The following NTRK3 variants were observed in gnomAD, a reference collection of about 807,000 sequenced individuals.
The protein encoded by NTRK3 is neurotrophic receptor tyrosine kinase 3, also known as NT-3 growth factor receptor.
Under a neutral mutation model 91.7 loss-of-function variants are expected in NTRK3, and 24 were observed. The observed-to-expected ratio is 0.26, with a 90% CI of 0.19 to 0.37. The LOEUF is 0.37. Ranked by LOEUF, NTRK3 falls within the 10% of genes least tolerant of loss-of-function variation. The pLI, the probability that NTRK3 is intolerant of heterozygous loss-of-function variation, is 1.00. For synonymous variants in NTRK3, 483 were observed against 404.0 expected, an observed-to-expected ratio of 1.20 and a Z score of -2.34; for missense variants, 880 against 1,068.9, an observed-to-expected ratio of 0.82 and a Z score of 2.46.
intron 14 of NTRK3, among the ~76,000 whole-genome samples, chr15:87,944,229 G>A (rs975485595): frequency 3.3e-5 from 5 of 152,206 alleles, no homozygotes; most frequent in African/African-American, 1.2e-4. Flanking sequence ...GGGAGCTTTG[G>A]CAGAGACTGG....
intron 13 of NTRK3, among the ~76,000 whole-genome samples, chr15:88,084,333 C>G (rs2048316207): frequency 6.6e-6 from 1 of 152,138 alleles, no homozygotes; most frequent in East Asian, 1.9e-4. Context: ...GAGAAAGAAG[C>G]AGGGTTAGGC....
chr15:88,129,875 G>A (rs1247999144), intron 10 of NTRK3, among the ~76,000 whole-genome samples: 1 of 152,206 alleles, frequency 6.6e-6, no homozygotes, highest in African/African-American at 2.4e-5. Flanking sequence ...TGACTATCTG[G>A]AGAAAAGGTC....
chr15:87,895,634 CT>C (rs2066073735), intron 17 of NTRK3, among the ~76,000 whole-genome samples: 3 of 152,284 alleles, frequency 2.0e-5, no homozygotes, highest in Admixed American at 2.0e-4. Flanking sequence ...TCCTTCCTCT[CT>C]TTCCAGATCT....
intron 6 of NTRK3, among the ~76,000 whole-genome samples, chr15:88,142,287 A>G (rs544405632): frequency 6.6e-6 from 1 of 152,348 alleles, no homozygotes; most frequent in African/African-American, 2.4e-5. Context: ...CTTCATGAAT[A>G]ATGCAGGCAG....
intron 13 of NTRK3, among the ~76,000 whole-genome samples, chr15:88,120,560 C>T (rs2052594608): frequency 6.6e-6 from 1 of 152,112 alleles, no homozygotes; most frequent in Admixed American, 6.5e-5. Context: ...GCTGTCCTGC[C>T]ACGCGTGCAG....
intron 5 of NTRK3, among the ~76,000 whole-genome samples, chr15:88,178,964 C>T (rs746393452): frequency 5.2e-4 from 79 of 152,210 alleles, no homozygotes; most frequent in Non-Finnish European, 9.1e-4. Context: ...AAAAAGTACA[C>T]GGACTTCAGA....
intron 17 of NTRK3, among the ~76,000 whole-genome samples, chr15:87,915,821 T>C (rs1596233735): frequency 1.3e-5 from 2 of 148,460 alleles, no homozygotes; most frequent in Middle Eastern, 3.4e-3. Flanking sequence ...AAAGAAGAAA[T>C]TGTTTTTTTT....
At chr15:87,903,510 C>T (rs1017702043) in intron 17 of NTRK3, among the ~76,000 whole-genome samples, 36 of 152,178 alleles carry the variant, frequency 2.4e-4, no homozygotes, top group African/African-American at 8.7e-4. Flanking sequence ...TAGGGGCTTG[C>T]TCTGCTCTGA....
At chr15:88,050,538 G>A (rs978871563) in intron 13 of NTRK3, among the ~76,000 whole-genome samples, 6 of 150,948 alleles carry the variant, frequency 4.0e-5, no homozygotes, top group Non-Finnish European at 7.4e-5. Context: ...TGTTTGTATA[G>A]AAAGCATAGC....
intron 5 of NTRK3, among the ~76,000 whole-genome samples, chr15:88,170,738 T>A (rs1325829256): frequency 1.3e-5 from 2 of 152,094 alleles, no homozygotes; most frequent in African/African-American, 4.8e-5. Flanking sequence ...ACAGGCCCAC[T>A]GTAGGGTCCC....
intron 14 of NTRK3, among the ~76,000 whole-genome samples, chr15:88,015,998 A>T (rs1052926339): frequency 3.3e-5 from 5 of 151,674 alleles, no homozygotes; most frequent in African/African-American, 1.2e-4. Flanking sequence ...ATGAAACCGT[A>T]TGCAGAATAT....
chr15:87,863,327 G>A, exon 19 of NTRK3: 1 of 226,918 alleles, frequency 4.4e-6, no homozygotes, highest in Admixed American at 5.7e-5. Context: ...TCCTAGTCTG[G>A]GAGGTCAATC....
At chr15:88,191,163 CGT>C (rs60048541) in intron 3 of NTRK3, among the ~76,000 whole-genome samples, 67,959 of 137,536 alleles carry the variant, frequency 0.49, 17,344 homozygotes, top group East Asian at 0.65. Context: ...TGATGTTTCC[CGT>C]GTGTGTGTGT....
At chr15:87,973,127 G>C (rs998695783) in intron 14 of NTRK3, among the ~76,000 whole-genome samples, 2 of 152,184 alleles carry the variant, frequency 1.3e-5, no homozygotes, top group African/African-American at 4.8e-5. Flanking sequence ...ATAATGAGGA[G>C]AGAAGATCTA....
At chr15:88,179,541 T>C (rs2046282007) in intron 5 of NTRK3, among the ~76,000 whole-genome samples, 1 of 152,158 alleles carries the variant, frequency 6.6e-6, no homozygotes, top group African/African-American at 2.4e-5. Flanking sequence ...GTACCATTGT[T>C]TGAGTGCAGC....
At chr15:88,080,962 G>A (rs934232491) in intron 13 of NTRK3, among the ~76,000 whole-genome samples, 1 of 152,240 alleles carries the variant, frequency 6.6e-6, no homozygotes, top group East Asian at 1.9e-4. Context: ...CTACATGGCA[G>A]CTTAAGTCTC....
intron 13 of NTRK3, among the ~76,000 whole-genome samples, chr15:88,093,989 G>T (rs2049300872): frequency 6.6e-6 from 1 of 152,122 alleles, no homozygotes; most frequent in South Asian, 2.1e-4. Flanking sequence ...CACCTGTGTG[G>T]TGGTGCCAGG....
At chr15:88,015,023 T>A (rs1432859437) in intron 14 of NTRK3, among the ~76,000 whole-genome samples, 1 of 152,358 alleles carries the variant, frequency 6.6e-6, no homozygotes, top group African/African-American at 2.4e-5. Flanking sequence ...TAGATCGCTC[T>A]CATTTTCTAC....
At chr15:87,975,682 A>G (rs983638145) in intron 14 of NTRK3, among the ~76,000 whole-genome samples, 1 of 152,172 alleles carries the variant, frequency 6.6e-6, no homozygotes, top group Non-Finnish European at 1.5e-5. Flanking sequence ...GCAGTAAAAC[A>G]TGGAAAACGG....
Sources: gnomAD v4.1 joint callset for allele counts (sites outside exome capture counted in the v4.1 genomes callset) on GRCh38, gnomAD v4.1.1 for gene constraint, MANE v1.5 for transcripts, NCBI Gene and HGNC (gene_info 2026-07-23, HGNC 2026-07-21) for gene names.